NTM: variants seen among roughly 807,000 people sequenced by gnomAD.
NTM encodes the protein IgLON family member 2.
Under a neutral mutation model 42.1 loss-of-function variants are expected in NTM, and 13 were observed. The ratio of observed to expected loss-of-function variants is 0.31; its 90% CI spans 0.20 to 0.49. The LOEUF (loss-of-function observed/expected upper bound fraction) is 0.49, where lower values mean the gene tolerates loss of function less well. Among genes scored for constraint, NTM ranks in the 20% least tolerant of loss-of-function variants. NTM has a pLI of 0.99. For synonymous variants in NTM, 187 were observed against 179.2 expected (o/e 1.04, Z -0.35); for missense variants, 373 against 452.8 (o/e 0.82, Z 1.60).
chr11:131,915,243 C>T (rs2056097012), intron 2 of NTM, among the ~76,000 whole-genome samples: 1 of 152,222 alleles, frequency 6.6e-6, no homozygotes, highest in African/African-American at 2.4e-5. Context: ...ACTTTGTACA[C>T]CAAGCTTCCC....
chr11:131,726,026 G>A (rs1236210437), intron 1 of NTM, among the ~76,000 whole-genome samples: 5 of 152,166 alleles, frequency 3.3e-5, no homozygotes, highest in African/African-American at 1.2e-4. Context: ...ACAATAGGAA[G>A]CAAAGAGGGA....
intron 1 of NTM, among the ~76,000 whole-genome samples, chr11:131,627,198 T>C (rs1205454733): frequency 1.3e-5 from 2 of 151,962 alleles, no homozygotes; most frequent in Non-Finnish European, 2.9e-5. Context: ...TATTTGTGCA[T>C]GAATAAAGCA....
intron 1 of NTM, among the ~76,000 whole-genome samples, chr11:131,440,374 CCCT>C (rs1949516327): frequency 6.6e-6 from 1 of 152,116 alleles, no homozygotes; most frequent in Non-Finnish European, 1.5e-5. Context: ...TGGTGAAGAT[CCCT>C]CAAGTGTCAG....
intron 1 of NTM, among the ~76,000 whole-genome samples, chr11:131,870,305 C>A (rs550513420): frequency 2.0e-5 from 3 of 152,288 alleles, no homozygotes; most frequent in Admixed American, 2.0e-4. Context: ...GCAGTGGTTT[C>A]TTTATTAACA....
intron 2 of NTM, among the ~76,000 whole-genome samples, chr11:131,978,408 A>C (rs1003511334): frequency 5.9e-5 from 9 of 152,336 alleles, no homozygotes; most frequent in Admixed American, 1.3e-4. Context: ...TTCGGGTCAG[A>C]GCACCTATTC....
rs138534449 is a variant in NTM, at chr11:131,666,198, C to T, written c.83-245366C>T. Among the ~76,000 whole-genome samples the T allele has an allele frequency of 5.0e-3, 760 of 152,264 alleles. 2 individuals carry two copies. Among genetic ancestry groups the T allele is most frequent in the Non-Finnish European group, 9.3e-3 (630 of 68,018 alleles). ...TGGTCAAGTGACTGAGTGAGGCCAGCCCTTCACCCTTCACCCTGCCTATCA... is the reference window on the plus strand; with the variant it reads ...TGGTCAAGTGACTGAGTGAGGCCAGTCCTTCACCCTTCACCCTGCCTATCA... On this transcript the variant is annotated intron_variant, in intron 1 of 8. Transcript: ENST00000683400.
intron 1 of NTM, among the ~76,000 whole-genome samples, chr11:131,902,906 G>A (rs546057412): frequency 2.7e-4 from 41 of 152,286 alleles, no homozygotes; most frequent in African/African-American, 8.4e-4. Flanking sequence ...AAAATTATAT[G>A]TATGTATATG....
intron 1 of NTM, among the ~76,000 whole-genome samples, chr11:131,529,330 G>A (rs1478057507): frequency 6.8e-6 from 1 of 147,274 alleles, no homozygotes; most frequent in Non-Finnish European, 1.5e-5. Flanking sequence ...ATTTCTCTGA[G>A]TGAGTGGAAC....
chr11:131,712,241 G>A (rs575521020), intron 1 of NTM, among the ~76,000 whole-genome samples: 8 of 149,846 alleles, frequency 5.3e-5, no homozygotes, highest in Admixed American at 2.0e-4. Context: ...ATTGTCTTTG[G>A]AAGAGCAATT....
intron 4 of NTM, among the ~76,000 whole-genome samples, chr11:132,242,580 G>C (rs1481104922): frequency 6.6e-6 from 1 of 152,212 alleles, no homozygotes; most frequent in African/African-American, 2.4e-5. Context: ...GGTGCCCTTA[G>C]GCCTGCGCAG....
chr11:131,544,265 C>A (rs1255624821), intron 1 of NTM, among the ~76,000 whole-genome samples: 1 of 152,146 alleles, frequency 6.6e-6, no homozygotes, highest in Non-Finnish European at 1.5e-5. Flanking sequence ...ATACAATTTG[C>A]TTCAAAAAAT....
At chr11:131,660,779 C>T (rs923892136) in intron 1 of NTM, 55 of 1,036,938 alleles carry the variant, frequency 5.3e-5, no homozygotes, top group East Asian at 1.2e-4. Context: ...AGGCTACTTG[C>T]GAACTCCTGA....
At chr11:132,254,323 C>T (rs888465646) in intron 4 of NTM, among the ~76,000 whole-genome samples, 15 of 151,752 alleles carry the variant, frequency 9.9e-5, no homozygotes, top group African/African-American at 3.4e-4. Flanking sequence ...GGTTGCTTCT[C>T]CTATTATTTC....
intron 2 of NTM, among the ~76,000 whole-genome samples, chr11:131,924,968 T>G (rs2057747883): frequency 2.6e-5 from 4 of 152,240 alleles, no homozygotes; most frequent in Admixed American, 2.0e-4. Flanking sequence ...TGCATGTGTC[T>G]GAAAGTGAGA....
At chr11:131,523,242 C>T (rs2049991830) in intron 1 of NTM, among the ~76,000 whole-genome samples, 1 of 152,168 alleles carries the variant, frequency 6.6e-6, no homozygotes, top group Non-Finnish European at 1.5e-5. Context: ...GTCAAGAGAA[C>T]TCCTAGGACA....
In NTM at chr11:131,796,271, G is replaced by T. The variant is rs2091546530; in HGVS notation, c.83-115293G>T. 5 of 664,512 alleles carry T rather than the reference G, an allele frequency of 7.5e-6. No homozygotes were observed. The African/African-American group carries it at 9.9e-5, about 13-fold the overall frequency. The allele number at this position is 664,512 out of a possible 1,614,324, so 41.2% of individuals were successfully genotyped here. On this transcript the variant is annotated intron_variant, in intron 1 of 8. Coordinates refer to ENST00000683400, the MANE Select transcript of NTM (RefSeq NM_001352005.2). ...GTGCGGCCCAGCCCTCTCAGGAGTAGAGGCTGCTGCCTGCCTGGCTGTGCT... is the reference window on the plus strand; with the variant it reads ...GTGCGGCCCAGCCCTCTCAGGAGTATAGGCTGCTGCCTGCCTGGCTGTGCT...
intron 1 of NTM, among the ~76,000 whole-genome samples, chr11:131,750,953 G>C (rs1334951748): frequency 6.6e-6 from 1 of 152,096 alleles, no homozygotes; most frequent in Non-Finnish European, 1.5e-5. Flanking sequence ...TCCAGGCTGA[G>C]AGGACAGCAT....
chr11:131,656,944 G>A (rs938396716), intron 1 of NTM, among the ~76,000 whole-genome samples: 39 of 152,166 alleles, frequency 2.6e-4, no homozygotes, highest in Admixed American at 2.2e-3. Flanking sequence ...GTGAGCCACC[G>A]TGGTGGTCTG....
At chr11:131,720,667 T>C (rs915098428) in intron 1 of NTM, among the ~76,000 whole-genome samples, 13 of 152,182 alleles carry the variant, frequency 8.5e-5, no homozygotes, top group African/African-American at 3.1e-4. Flanking sequence ...CTGATAAAAT[T>C]TAGCATTATA....
Sources: gnomAD v4.1 joint callset for allele counts (sites outside exome capture counted in the v4.1 genomes callset) on GRCh38, gnomAD v4.1.1 for gene constraint, MANE v1.5 for transcripts, NCBI Gene and HGNC (gene_info 2026-07-23, HGNC 2026-07-21) for gene names.